The following HPSE2 variants were observed in gnomAD, a reference collection of about 807,000 sequenced individuals.
HPSE2 encodes inactive heparanase-2.
In HPSE2, 38 loss-of-function variants were observed where a neutral mutation model predicts 60.5. The ratio of observed to expected loss-of-function variants is 0.63; its 90% CI spans 0.48 to 0.82. The LOEUF is 0.82. Ranked by LOEUF, HPSE2 falls within the 40% of genes least tolerant of loss-of-function variation. HPSE2 has a pLI of 0.00. For missense variants in HPSE2, 713 were observed against 740.4 expected (o/e 0.96, Z 0.43); for synonymous variants, 295 against 293.2 (o/e 1.01, Z -0.06).
rs555881722 is a variant in HPSE2 at position 98,518,621 on chromosome 10, C to T, written c.1321-28425G>A. ...AACTAGGAGGCTGAGGCAGGAGAATCGCTTGAACCCAGGAGATGGAGGTTG... is the reference window on the plus strand; with the variant it reads ...AACTAGGAGGCTGAGGCAGGAGAATTGCTTGAACCCAGGAGATGGAGGTTG... On this transcript the variant is annotated intron_variant, in intron 9 of 11. Coordinates refer to ENST00000370552, the MANE Select transcript of HPSE2 (RefSeq NM_021828.5). 5.3e-5 allele frequency among the ~76,000 whole-genome samples: 8 copies of T among 151,930 alleles called. No individual in the cohort carries two copies. The East Asian group carries it at 9.7e-4, about 18-fold the overall frequency.
At chr10:99,232,019 ACCAGCTCTCAGCCTCCAAGACAGCCG>A (rs1399543448) in intron 2 of HPSE2, among the ~76,000 whole-genome samples, 2 of 152,206 alleles carry the variant, frequency 1.3e-5, no homozygotes, top group Non-Finnish European at 2.9e-5. Context: ...AGTTTGGGCT[ACCAGCTCTCAGCCTCCAAGACAGCCG>A]CCCAGCAAAA....
the HPSE2 span, among the ~76,000 whole-genome samples, chr10:99,275,930 A>C: frequency 6.6e-6 from 1 of 152,162 alleles, no homozygotes; most frequent in East Asian, 1.9e-4. Context: ...TGTGATGTGC[A>C]ATCCTGGTAA....
intron 3 of HPSE2, among the ~76,000 whole-genome samples, chr10:98,819,268 C>G (rs577792544): frequency 1.3e-5 from 2 of 152,158 alleles, no homozygotes; most frequent in Non-Finnish European, 2.9e-5. Context: ...CTTATCAACA[C>G]TGGGGCAATC....
chr10:98,960,741 T>TTTTTTTTTTTTTTATTTTA (rs1955651715), intron 3 of HPSE2, among the ~76,000 whole-genome samples: 1 of 15,238 alleles, frequency 6.6e-5, no homozygotes. Context: ...TTTTATTTTA[T>TTTTTTTTTTTTTTATTTTA]TTTTTTTTTT....
At chr10:99,121,302 G>A (rs1324439666) in intron 3 of HPSE2, among the ~76,000 whole-genome samples, 2 of 152,122 alleles carry the variant, frequency 1.3e-5, no homozygotes, top group East Asian at 3.9e-4. Context: ...AGGGTGGAGG[G>A]TGGGAGGAGG....
chr10:98,463,370 T>C (rs1021542328), intron 11 of HPSE2, among the ~76,000 whole-genome samples: 2 of 152,246 alleles, frequency 1.3e-5, no homozygotes, highest in African/African-American at 4.8e-5. Context: ...GGTTGCCAGT[T>C]ATTGTAAGAA....
At chr10:98,759,077 T>C (rs1461501325) in intron 3 of HPSE2, among the ~76,000 whole-genome samples, 3 of 152,082 alleles carry the variant, frequency 2.0e-5, no homozygotes, top group Non-Finnish European at 4.4e-5. Flanking sequence ...AGTGAATTAA[T>C]GCAGGAACAG....
intron 9 of HPSE2, among the ~76,000 whole-genome samples, chr10:98,541,518 T>A (rs1010138269): frequency 1.7e-4 from 26 of 152,148 alleles, no homozygotes; most frequent in African/African-American, 6.0e-4. Flanking sequence ...GGCGAGGCAT[T>A]GCCTCACTCA....
intron 7 of HPSE2, among the ~76,000 whole-genome samples, chr10:98,631,660 C>T (rs1946368170): frequency 6.6e-6 from 1 of 152,192 alleles, no homozygotes. Flanking sequence ...CTTCCAGGGC[C>T]ATTCCTCCAA....
chr10:98,644,609 T>C (rs1946719825), intron 6 of HPSE2, among the ~76,000 whole-genome samples: 3 of 152,230 alleles, frequency 2.0e-5, no homozygotes, highest in African/African-American at 7.2e-5. Flanking sequence ...TGCTTGAACA[T>C]ATCCAGGGAC....
At chr10:99,313,591 A>T in the HPSE2 span, among the ~76,000 whole-genome samples, 1 of 66,020 alleles carries the variant, frequency 1.5e-5, no homozygotes, top group Non-Finnish European at 3.0e-5. Context: ...GACTGACTCC[A>T]ATTTTTTTTT....
chr10:98,683,691 G>A (rs1308243184), intron 6 of HPSE2, among the ~76,000 whole-genome samples: 1 of 151,700 alleles, frequency 6.6e-6, no homozygotes, highest in Non-Finnish European at 1.5e-5. Context: ...TACTGTTTGA[G>A]GAATTCCAAT....
intron 2 of HPSE2, among the ~76,000 whole-genome samples, chr10:99,219,446 T>C (rs970673357): frequency 1.3e-5 from 2 of 152,126 alleles, no homozygotes; most frequent in African/African-American, 4.8e-5. Flanking sequence ...ACATGGCCTC[T>C]CCCAGAAACC....
At chr10:99,258,218 A>G in the HPSE2 span, among the ~76,000 whole-genome samples, 1 of 152,092 alleles carries the variant, frequency 6.6e-6, no homozygotes, top group South Asian at 2.1e-4. Context: ...ACAAATAATA[A>G]AGAATTGAAA....
intron 3 of HPSE2, among the ~76,000 whole-genome samples, chr10:98,903,299 G>A (rs1405971693): frequency 1.3e-5 from 2 of 152,014 alleles, no homozygotes; most frequent in African/African-American, 4.8e-5. Context: ...TGGCTAGTGA[G>A]TACAGGTTTC....
At chr10:99,005,919 C>A (rs566501062) in intron 3 of HPSE2, among the ~76,000 whole-genome samples, 1 of 152,118 alleles carries the variant, frequency 6.6e-6, no homozygotes, top group African/African-American at 2.4e-5. Flanking sequence ...CATGTAGCCT[C>A]GTAACTGGGT....
At chr10:99,036,058 T>C (rs187757692) in intron 3 of HPSE2, among the ~76,000 whole-genome samples, 1 of 150,662 alleles carries the variant, frequency 6.6e-6, no homozygotes, top group Non-Finnish European at 1.5e-5. Context: ...AAAAAAAAAA[T>C]TTTTTTTTAA....
chr10:98,811,555 G>C (rs1434124174), intron 3 of HPSE2, among the ~76,000 whole-genome samples: 1 of 152,032 alleles, frequency 6.6e-6, no homozygotes. Flanking sequence ...TGGTCAAAGA[G>C]AACAATAAAA....
chr10:98,975,778 G>A (rs1469688630), intron 3 of HPSE2, among the ~76,000 whole-genome samples: 1 of 152,150 alleles, frequency 6.6e-6, no homozygotes, highest in Non-Finnish European at 1.5e-5. Flanking sequence ...GTTGGAGCTA[G>A]GTTAGGCTTT....
Sources: allele counts gnomAD v4.1 joint callset (sites outside exome capture counted in the v4.1 genomes callset), GRCh38; gene constraint gnomAD v4.1.1; transcripts MANE v1.5; gene names NCBI Gene and HGNC (gene_info 2026-07-23, HGNC 2026-07-21).